The following TENM2 variants were observed in gnomAD, a reference collection of about 807,000 sequenced individuals.
TENM2 encodes teneurin transmembrane protein 2.
TENM2 carries 52 observed loss-of-function variants against 245.2 expected under a neutral mutation model. The observed-to-expected ratio is 0.21, with a 90% CI of 0.17 to 0.27. TENM2 has a LOEUF of 0.27. Ranked by LOEUF, TENM2 falls within the 10% of genes least tolerant of loss-of-function variation. The probability of loss-of-function intolerance (pLI) is 1.00; values close to 1 mark genes in which losing one functional copy is unlikely to be tolerated. For synonymous variants in TENM2, 1,363 were observed against 1,438.9 expected, an observed-to-expected ratio of 0.95 and a Z score of 1.19; for missense variants, 3,046 against 3,666.8, an observed-to-expected ratio of 0.83 and a Z score of 4.37.
chr5:167,632,695 G>A (rs1778953696), intron 2 of TENM2, among the ~76,000 whole-genome samples: 1 of 151,886 alleles, frequency 6.6e-6, no homozygotes, highest in Non-Finnish European at 1.5e-5. Context: ...GCACATACAT[G>A]GAACATGTGT....
intron 2 of TENM2, among the ~76,000 whole-genome samples, chr5:167,470,672 T>TAA (rs1766968511): frequency 6.6e-6 from 1 of 152,004 alleles, no homozygotes; most frequent in Non-Finnish European, 1.5e-5. Context: ...GTTCCTCCTC[T>TAA]ACTCAATGAT....
intron 2 of TENM2, among the ~76,000 whole-genome samples, chr5:167,541,116 A>G (rs957437330): frequency 6.6e-6 from 1 of 152,212 alleles, no homozygotes; most frequent in Non-Finnish European, 1.5e-5. Context: ...TTCTAATATT[A>G]TAGGACTTTG....
At chr5:167,971,918 A>C (rs1407810305) in intron 4 of TENM2, among the ~76,000 whole-genome samples, 1 of 152,204 alleles carries the variant, frequency 6.6e-6, no homozygotes, top group South Asian at 2.1e-4. Context: ...GCCTTCCACT[A>C]TAAATGCCGG....
At chr5:167,859,446 G>A (rs1249062439) in intron 2 of TENM2, among the ~76,000 whole-genome samples, 49 of 120,506 alleles carry the variant, frequency 4.1e-4, no homozygotes, top group Middle Eastern at 4.8e-3. Flanking sequence ...CTGCCCGGCC[G>A]CCCCTACTGG....
chr5:168,115,239 G>A (rs1002571945), intron 9 of TENM2, among the ~76,000 whole-genome samples: 4 of 151,582 alleles, frequency 2.6e-5, no homozygotes, highest in Non-Finnish European at 5.9e-5. Context: ...GTTGCAGTGA[G>A]CCAAGATCAT....
intron 2 of TENM2, among the ~76,000 whole-genome samples, chr5:167,689,425 T>C (rs1416160056): frequency 6.6e-6 from 1 of 152,222 alleles, no homozygotes; most frequent in African/African-American, 2.4e-5. Context: ...CACACAGTAG[T>C]GGATCTGAAG....
Position 168,244,352 on chromosome 5 carries a change from C to T in TENM2, c.5521-68C>T. 1 of 1,321,990 alleles carries T rather than the reference C, an allele frequency of 7.6e-7. No homozygotes were observed. The highest frequency in any genetic ancestry group is 1.0e-6 in the Non-Finnish European group (1 of 994,086). 81.9% of individuals were successfully genotyped at this position (1,321,990 alleles called of 1,614,324 possible). On this transcript the variant is annotated intron_variant, in intron 25 of 28. Transcript: ENST00000518659. The surrounding 1 kb of genome is among the most constrained non-coding windows in gnomAD (Gnocchi z 4.9). ...AAGCCCTGGCCATGCCAGCCATGTC[C>T]TCCACAGAAGCCTGAGCCGGCATGC...
chr5:167,168,871 T>C, the TENM2 span, among the ~76,000 whole-genome samples: 1 of 152,208 alleles, frequency 6.6e-6, no homozygotes, highest in Non-Finnish European at 1.5e-5. Flanking sequence ...GCGATTCTCC[T>C]GCCTCAGCCT....
the TENM2 span, among the ~76,000 whole-genome samples, chr5:167,002,460 A>C: frequency 6.6e-6 from 1 of 152,100 alleles, no homozygotes; most frequent in African/African-American, 2.4e-5. Context: ...CTGCCTATGG[A>C]TTAAAGCAAT....
At chr5:167,131,971 T>C in the TENM2 span, among the ~76,000 whole-genome samples, 1 of 152,010 alleles carries the variant, frequency 6.6e-6, no homozygotes, top group Non-Finnish European at 1.5e-5. Flanking sequence ...TACAGGCGTG[T>C]GCCACCATGC....
chr5:167,952,957 C>T (rs1780238057), intron 4 of TENM2, 135 bp downstream of exon 6: 2 of 699,996 alleles, frequency 2.9e-6, no homozygotes, highest in Admixed American at 2.4e-5. Flanking sequence ...AGTTTACCAC[C>T]TCCTTGTTCC....
chr5:168,115,437 A>AAG (rs1795012620), intron 9 of TENM2, among the ~76,000 whole-genome samples: 1 of 145,454 alleles, frequency 6.9e-6, no homozygotes, highest in Admixed American at 6.7e-5. Flanking sequence ...AGAAAAAAAA[A>AAG]GAAAAAAATT....
At chr5:167,734,153 G>A (rs1022570178) in intron 2 of TENM2, among the ~76,000 whole-genome samples, 2 of 152,278 alleles carry the variant, frequency 1.3e-5, no homozygotes, top group South Asian at 4.1e-4. Context: ...AAATGAAAAT[G>A]CAGATGGAGC....
intron 2 of TENM2, among the ~76,000 whole-genome samples, chr5:167,743,238 CATA>C (rs1448990942): frequency 6.6e-6 from 1 of 152,100 alleles, no homozygotes; most frequent in Admixed American, 6.6e-5. Flanking sequence ...CCAGTTAATG[CATA>C]ATGTCTCCCC....
At chr5:167,104,565 G>T in the TENM2 span, among the ~76,000 whole-genome samples, 1 of 152,200 alleles carries the variant, frequency 6.6e-6, no homozygotes, top group Non-Finnish European at 1.5e-5. Flanking sequence ...AAGGGTAATT[G>T]CATTTTAGCG....
intron 7 of TENM2, among the ~76,000 whole-genome samples, chr5:168,077,504 T>G (rs1215833980): frequency 1.3e-5 from 2 of 152,086 alleles, no homozygotes; most frequent in Admixed American, 1.3e-4. Flanking sequence ...AGTATACATG[T>G]GCCATGTTGG....
rs185575621 is a variant in TENM2 at position 167,466,613 on chromosome 5, T to G, written c.502+91140T>G. Reference sequence around the variant, plus strand: ...ACATAGTTTTATTATGCCTGATAGTTAAAAATACTTAAAATATAGTAAAGT... The same window carrying G: ...ACATAGTTTTATTATGCCTGATAGTGAAAAATACTTAAAATATAGTAAAGT... On this transcript the variant is annotated intron_variant, in intron 2 of 28. Coordinates refer to ENST00000518659, the Ensembl canonical transcript of TENM2. Among the ~76,000 whole-genome samples the G allele has an allele frequency of 3.0e-3, 451 of 152,334 alleles. 19 individuals are homozygous for G. The South Asian group carries it at 0.08, about 27-fold the overall frequency.
At chr5:167,142,100 A>T in the TENM2 span, among the ~76,000 whole-genome samples, 1 of 152,188 alleles carries the variant, frequency 6.6e-6, no homozygotes, top group African/African-American at 2.4e-5. Context: ...GAGTAGAGTT[A>T]ATATTAAAAA....
chr5:167,393,778 C>T (rs1761900986), intron 2 of TENM2, among the ~76,000 whole-genome samples: 2 of 152,108 alleles, frequency 1.3e-5, no homozygotes, highest in South Asian at 2.1e-4. Flanking sequence ...GTAGGGAGAA[C>T]AGGAGGCTAT....
Sources: gnomAD v4.1 joint callset for allele counts (sites outside exome capture counted in the v4.1 genomes callset) on GRCh38, gnomAD v4.1.1 for gene constraint, Gnocchi (gnomAD v3.1) non-coding constraint, MANE v1.5 for transcripts, NCBI Gene and HGNC (gene_info 2026-07-23, HGNC 2026-07-21) for gene names.